The following TMEM178B variants were observed in gnomAD, a reference collection of about 807,000 sequenced individuals.
TMEM178B encodes transmembrane protein 178B.
Under a neutral mutation model 31.0 loss-of-function variants are expected in TMEM178B, and 5 were observed. The ratio of observed to expected loss-of-function variants is 0.16; its 90% CI spans 0.08 to 0.34. The LOEUF (loss-of-function observed/expected upper bound fraction) is 0.34, where lower values mean the gene tolerates loss of function less well. TMEM178B is among the 10% of genes least tolerant of loss of function. The pLI, the probability that TMEM178B is intolerant of heterozygous loss-of-function variation, is 1.00. For missense variants in TMEM178B, 275 were observed against 400.3 expected (o/e 0.69, Z 2.67); for synonymous variants, 164 against 164.0 (o/e 1.00, Z 0.00).
intron 2 of TMEM178B, among the ~76,000 whole-genome samples, chr7:141,295,528 G>C (rs576630304): frequency 4.5e-4 from 68 of 152,262 alleles, no homozygotes; most frequent in African/African-American, 1.5e-3. Flanking sequence ...TTAGCTCAGG[G>C]TCTGGTGGGT....
At chr7:141,427,318 C>A (rs190706619) in intron 2 of TMEM178B, among the ~76,000 whole-genome samples, 206 of 152,170 alleles carry the variant, frequency 1.4e-3, no homozygotes, top group African/African-American at 4.5e-3. Flanking sequence ...AAATATACTG[C>A]AAAACTATAG....
At chr7:141,402,851 C>A (rs959004904) in intron 2 of TMEM178B, among the ~76,000 whole-genome samples, 1 of 152,210 alleles carries the variant, frequency 6.6e-6, no homozygotes, top group African/African-American at 2.4e-5. Context: ...GGCTTAGTAG[C>A]AGAGGGAGTA....
chr7:141,144,049 A>G (rs1202694113), intron 1 of TMEM178B, among the ~76,000 whole-genome samples: 3 of 152,176 alleles, frequency 2.0e-5, no homozygotes, highest in Non-Finnish European at 4.4e-5. Context: ...TAGAAATGAC[A>G]TGGATTTTTA....
chr7:141,112,859 G>T (rs1236861664), intron 1 of TMEM178B, among the ~76,000 whole-genome samples: 2 of 152,112 alleles, frequency 1.3e-5, no homozygotes, highest in African/African-American at 4.8e-5. Context: ...GCTTTTGCTG[G>T]GTAAGTGGCC....
chr7:141,082,264 A>G (rs772416275), intron 1 of TMEM178B, among the ~76,000 whole-genome samples: 2 of 152,160 alleles, frequency 1.3e-5, no homozygotes, highest in Non-Finnish European at 2.9e-5. Context: ...GGTAAAACTA[A>G]TATAGACTGG....
At position 141,180,384 on chromosome 7, in the gene TMEM178B, C is replaced by T. The variant is rs184178063; in HGVS notation, c.383-32207C>T. ...CTGAGGCAGGAGAATCGCTTGAACC[C>T]AGGAGGTGGAGTTTGCAGTGAGCTG... On this transcript the variant is annotated intron_variant, in intron 1 of 3. Transcript: ENST00000565468. Among the ~76,000 whole-genome samples the T allele has an allele frequency of 5.9e-3, 879 of 148,934 alleles. 2 individuals are homozygous for T. The highest frequency in any genetic ancestry group is 9.0e-3 in the Non-Finnish European group (608 of 67,482).
rs959129541 is a variant in TMEM178B, at chr7:141,476,771, G to A, written c.*5985G>A. On this transcript the variant is annotated 3_prime_UTR_variant, in exon 4 of 4. Coordinates refer to ENST00000565468, the MANE Select transcript of TMEM178B (RefSeq NM_001195278.2). ...GTCCGCACACTTTCTGCTTTGCAGC[G>A]GATCAAGTGTCCTTGTGAGGGTGAG... The A allele has an allele frequency of 1.3e-5, 2 of 153,466 alleles. No homozygotes were observed. Among genetic ancestry groups the A allele is most frequent in the Admixed American group, 6.5e-5 (1 of 15,286 alleles). The allele number at this position is 153,466 out of a possible 1,614,324, so 9.5% of individuals were successfully genotyped here. A position where few individuals can be genotyped will look rare whatever the true frequency, so the allele number is the denominator to read the frequency against.
Position 141,450,035 on chromosome 7 carries a change from A to C in TMEM178B, c.634+12290A>C, listed in dbSNP as rs1017062517. ...GACAGGCAGGAAATGGTTTGCCTTT[A>C]CTCACCATGTCTGAAATAATTGGGG... On this transcript the variant is annotated intron_variant, in intron 3 of 3. Coordinates refer to ENST00000565468, the MANE Select transcript of TMEM178B (RefSeq NM_001195278.2). Among the ~76,000 whole-genome samples the C allele has an allele frequency of 2.0e-5, 3 of 152,170 alleles. No individual in the cohort carries two copies. In the South Asian group the frequency reaches 6.2e-4, roughly 32 times the overall value.
At chr7:141,374,597 G>T (rs1197013667) in intron 2 of TMEM178B, among the ~76,000 whole-genome samples, 2 of 152,178 alleles carry the variant, frequency 1.3e-5, no homozygotes, top group African/African-American at 2.4e-5. Flanking sequence ...CGCATACAGC[G>T]TCAGAGTCTC....
At chr7:141,295,624 G>A (rs544108131) in intron 2 of TMEM178B, among the ~76,000 whole-genome samples, 1 of 152,288 alleles carries the variant, frequency 6.6e-6, no homozygotes, top group South Asian at 2.1e-4. Flanking sequence ...GGTAAGTGGG[G>A]AGTGTTTTCT....
At chr7:141,118,586 G>GA in intron 1 of TMEM178B, among the ~76,000 whole-genome samples, 1 of 152,306 alleles carries the variant, frequency 6.6e-6, no homozygotes, top group African/African-American at 2.4e-5. Context: ...CCCCAGGGGG[G>GA]AAGCTCTGGG....
Position 141,074,500 on chromosome 7 carries a change from C to G in TMEM178B, c.190C>G (p.Pro64Ala). Reference sequence around the variant, plus strand: ...CATTTACAACAATAACAACAACTTGCCGCTCCGGGCGAGCCGCTCGCGCCT... The same window carrying G: ...CATTTACAACAATAACAACAACTTGGCGCTCCGGGCGAGCCGCTCGCGCCT... ...GFIYNNNNNL[P>A]LRASRSRLDR... is the part of the protein sequence containing the mutation. The change falls in exon 1 of 4, where the codon CCG (proline) becomes GCG (alanine). Residue 64 changes from proline to alanine, a missense_variant. Pro to Ala is a conservative substitution (Grantham distance 27). Coordinates refer to ENST00000565468, the MANE Select transcript of TMEM178B (RefSeq NM_001195278.2). The surrounding 1 kb of genome is among the most constrained non-coding windows in gnomAD (Gnocchi z 5.1). The G allele has an allele frequency of 6.5e-7, 1 of 1,536,056 alleles. No homozygotes were observed. Among genetic ancestry groups the G allele is most frequent in the Non-Finnish European group, 8.7e-7 (1 of 1,146,836 alleles).
rs549369875 is a variant in TMEM178B at position 141,263,836 on chromosome 7, A to G, written c.496+51132A>G. ...GTCCCCAGGACCACTTTTACTTTCC[A>G]TAGTTCTGTAGAAGGATGCATAGAA... is the stretch of plus-strand genomic sequence containing the variant. On this transcript the variant is annotated intron_variant, in intron 2 of 3. Coordinates refer to ENST00000565468, the MANE Select transcript of TMEM178B (RefSeq NM_001195278.2). Among the ~76,000 whole-genome samples the G allele has an allele frequency of 3.3e-5, 5 of 152,330 alleles. No homozygotes were observed. The East Asian group carries it at 9.6e-4, about 29-fold the overall frequency.
intron 2 of TMEM178B, among the ~76,000 whole-genome samples, chr7:141,413,886 A>AT (rs747711457): frequency 2.1e-4 from 32 of 152,300 alleles, no homozygotes; most frequent in South Asian, 4.1e-4. Context: ...ATAAAGAGGA[A>AT]TAAAAAAAAT....
At chr7:141,483,995 C>A (rs779573157), downstream of TMEM178B, among the ~76,000 whole-genome samples, 5 of 152,154 alleles carry the variant, frequency 3.3e-5, no homozygotes, top group Non-Finnish European at 7.4e-5. Flanking sequence ...CTCGGCCTCC[C>A]AAAGTCCTGG....
intron 2 of TMEM178B, among the ~76,000 whole-genome samples, chr7:141,303,401 A>G (rs1016964640): frequency 2.0e-5 from 3 of 152,242 alleles, no homozygotes; most frequent in Non-Finnish European, 4.4e-5. Context: ...GGAGATTCAG[A>G]ACCCATCCAA....
chr7:141,211,564 A>C (rs1461122093), intron 1 of TMEM178B, among the ~76,000 whole-genome samples: 7 of 152,006 alleles, frequency 4.6e-5, no homozygotes, highest in African/African-American at 1.7e-4. Flanking sequence ...TTTAAAAATC[A>C]CCCCTTTCCT....
the TMEM178B span, among the ~76,000 whole-genome samples, chr7:141,488,750 TG>T: frequency 6.6e-6 from 1 of 152,126 alleles, no homozygotes. Flanking sequence ...CATTTTCTTC[TG>T]GAACAACCCA....
At chr7:141,122,470 A>C (rs1795425640) in intron 1 of TMEM178B, among the ~76,000 whole-genome samples, 1 of 152,208 alleles carries the variant, frequency 6.6e-6, no homozygotes, top group South Asian at 2.1e-4. Flanking sequence ...AGAGCGTCTT[A>C]AGGACACAAG....
Sources: allele counts gnomAD v4.1 joint callset (sites outside exome capture counted in the v4.1 genomes callset), GRCh38; gene constraint gnomAD v4.1.1; non-coding constraint Gnocchi (gnomAD v3.1); transcripts MANE v1.5; gene names NCBI Gene and HGNC (gene_info 2026-07-23, HGNC 2026-07-21).